SOX6: variants seen among roughly 807,000 people sequenced by gnomAD.
SOX6 encodes SRY-box transcription factor 6.
Under a neutral mutation model 97.8 loss-of-function variants are expected in SOX6, and 11 were observed. The observed-to-expected ratio is 0.11, with a 90% CI of 0.07 to 0.19. SOX6 has a LOEUF of 0.19. Among genes scored for constraint, SOX6 ranks in the 10% least tolerant of loss-of-function variants. The probability of loss-of-function intolerance (pLI) is 1.00; values close to 1 mark genes in which losing one functional copy is unlikely to be tolerated. For synonymous variants in SOX6, 360 were observed against 371.4 expected (o/e 0.97, Z 0.35); for missense variants, 810 against 1,039.5 (o/e 0.78, Z 3.04).
intron 6 of SOX6, among the ~76,000 whole-genome samples, chr11:16,179,142 T>C (rs1590001398): frequency 6.6e-6 from 1 of 152,074 alleles, no homozygotes; most frequent in Admixed American, 6.6e-5. Flanking sequence ...CTGAAATGCC[T>C]GTAGTTAATC....
At chr11:16,143,468 A>G (rs946373748) in intron 6 of SOX6, among the ~76,000 whole-genome samples, 6 of 152,216 alleles carry the variant, frequency 3.9e-5, no homozygotes, top group Non-Finnish European at 8.8e-5. Context: ...ACCAGCTAAC[A>G]TCATAATGAC....
At chr11:16,412,857 C>T (rs1014673255) in intron 1 of SOX6, among the ~76,000 whole-genome samples, 1 of 152,076 alleles carries the variant, frequency 6.6e-6, no homozygotes. Context: ...GGAAATATCC[C>T]AGGATTGAGT....
intron 3 of SOX6, chr11:16,252,564 CAG>C (rs1375706086): frequency 1.3e-5 from 2 of 152,304 alleles, no homozygotes; most frequent in Non-Finnish European, 2.9e-5. Context: ...CAGGTCCTCA[CAG>C]AGAGTGTCAG....
chr11:16,163,671 A>G (rs1382254913), intron 6 of SOX6, among the ~76,000 whole-genome samples: 1 of 152,220 alleles, frequency 6.6e-6, no homozygotes, highest in Non-Finnish European at 1.5e-5. Flanking sequence ...AATCTTGACT[A>G]AAGTCCTAAG....
At chr11:16,226,063 G>A (rs1311248492) in intron 4 of SOX6, among the ~76,000 whole-genome samples, 1 of 152,100 alleles carries the variant, frequency 6.6e-6, no homozygotes, top group African/African-American at 2.4e-5. Flanking sequence ...TTGAGTAACT[G>A]TAATAAGTAA....
At chr11:16,670,351 C>T (rs747198512) in intron 3 of SOX6, among the ~76,000 whole-genome samples, 1 of 152,084 alleles carries the variant, frequency 6.6e-6, no homozygotes, top group Non-Finnish European at 1.5e-5. Context: ...AATAAGCAGA[C>T]CTCCAAGCTC....
At chr11:16,052,061 A>C (rs2133916439) in intron 10 of SOX6, among the ~76,000 whole-genome samples, 1 of 152,114 alleles carries the variant, frequency 6.6e-6, no homozygotes, top group East Asian at 1.9e-4. Context: ...GTCTTGCTTT[A>C]TCATGCTCAC....
intron 3 of SOX6, among the ~76,000 whole-genome samples, chr11:16,635,796 T>C (rs1163490524): frequency 1.3e-5 from 2 of 152,182 alleles, no homozygotes; most frequent in Non-Finnish European, 2.9e-5. Flanking sequence ...ACTCCAGCTG[T>C]GGCTAAAAGG....
chr11:16,093,163 G>C (rs1848727677), intron 9 of SOX6, among the ~76,000 whole-genome samples: 1 of 151,922 alleles, frequency 6.6e-6, no homozygotes, highest in African/African-American at 2.4e-5. Context: ...TACAGTTTCT[G>C]ATTGTTCCCA....
intron 4 of SOX6, among the ~76,000 whole-genome samples, chr11:16,198,906 T>C (rs537390181): frequency 6.6e-6 from 1 of 151,518 alleles, no homozygotes; most frequent in Non-Finnish European, 1.5e-5. Context: ...AGAAAACTGG[T>C]GGAGAGGAAG....
chr11:16,132,010 A>T (rs546569948), intron 6 of SOX6, among the ~76,000 whole-genome samples: 121 of 151,998 alleles, frequency 8.0e-4, no homozygotes, highest in Non-Finnish European at 1.1e-3. Context: ...CTTAAAATGG[A>T]TGAATTATTG....
At chr11:16,401,113 G>A (rs1267109618) in intron 1 of SOX6, among the ~76,000 whole-genome samples, 1 of 151,432 alleles carries the variant, frequency 6.6e-6, no homozygotes, top group East Asian at 1.9e-4. Flanking sequence ...AATAACATTG[G>A]ATCCCTTTCT....
intron 4 of SOX6, among the ~76,000 whole-genome samples, chr11:16,560,899 C>T (rs1405470430): frequency 6.6e-6 from 1 of 152,074 alleles, no homozygotes; most frequent in Non-Finnish European, 1.5e-5. Context: ...TATGTTCTCA[C>T]TTTTAAGGTG....
chr11:16,108,172 G>C (rs1471344525), intron 7 of SOX6, among the ~76,000 whole-genome samples: 1 of 152,134 alleles, frequency 6.6e-6, no homozygotes, highest in African/African-American at 2.4e-5. Flanking sequence ...CACAGTATTT[G>C]GCACAGTATC....
At chr11:16,123,086 A>G (rs979974553) in intron 6 of SOX6, among the ~76,000 whole-genome samples, 4 of 152,084 alleles carry the variant, frequency 2.6e-5, no homozygotes, top group African/African-American at 9.7e-5. Context: ...AAATTCCTCT[A>G]TAGTATCATT....
At chr11:16,202,545 T>C (rs1851968835) in intron 4 of SOX6, among the ~76,000 whole-genome samples, 1 of 152,110 alleles carries the variant, frequency 6.6e-6, no homozygotes, top group African/African-American at 2.4e-5. Context: ...ATTCAAGAGA[T>C]TTTATAATTA....
At chr11:16,436,092 A>T (rs543229699) in intron 1 of SOX6, among the ~76,000 whole-genome samples, 3 of 152,274 alleles carry the variant, frequency 2.0e-5, no homozygotes, top group Non-Finnish European at 4.4e-5. Flanking sequence ...TTCTCAACAG[A>T]ATTTGATACT....
intron 4 of SOX6, among the ~76,000 whole-genome samples, chr11:16,219,408 A>T (rs1434044939): frequency 1.3e-5 from 2 of 152,106 alleles, no homozygotes; most frequent in African/African-American, 4.8e-5. Flanking sequence ...TTAGTGCAAT[A>T]GAAGTTTACT....
At chr11:16,593,777 C>G (rs949577097) in intron 4 of SOX6, among the ~76,000 whole-genome samples, 1 of 152,110 alleles carries the variant, frequency 6.6e-6, no homozygotes, top group African/African-American at 2.4e-5. Flanking sequence ...TCATTTAACA[C>G]TTAAGGAAAT....
Sources: allele counts gnomAD v4.1 joint callset (sites outside exome capture counted in the v4.1 genomes callset), GRCh38; gene constraint gnomAD v4.1.1; transcripts MANE v1.5; gene names NCBI Gene and HGNC (gene_info 2026-07-23, HGNC 2026-07-21).